EDARADD: variants seen among roughly 807,000 people sequenced by gnomAD.
The protein encoded by EDARADD is EDAR associated via death domain, also known as ectodysplasin-A receptor-associated adapter protein.
In EDARADD, 20 loss-of-function variants were observed where a neutral mutation model predicts 25.6. The ratio of observed to expected loss-of-function variants is 0.78; its 90% CI spans 0.55 to 1.14. EDARADD has a LOEUF of 1.14. Ranked by LOEUF, EDARADD falls within the 50% of genes most tolerant of loss-of-function variation. The pLI, the probability that EDARADD is intolerant of heterozygous loss-of-function variation, is 0.00. For missense variants in EDARADD, 225 were observed against 270.1 expected, an observed-to-expected ratio of 0.83 and a Z score of 1.17; for synonymous variants, 86 against 94.4, an observed-to-expected ratio of 0.91 and a Z score of 0.52.
At position 236,394,301 on chromosome 1, in the gene EDARADD, T is replaced by C. The variant is rs965311065; in HGVS notation, c.-144T>C. Reference sequence around the variant, plus strand: ...ATCCGAAGGCAGACCAAGAGGAAGTTTATCCTCCCACCTACAAATTCCCCA... The same window carrying C: ...ATCCGAAGGCAGACCAAGAGGAAGTCTATCCTCCCACCTACAAATTCCCCA... On this transcript the variant is annotated 5_prime_UTR_variant, in exon 1 of 6. Coordinates refer to ENST00000334232, the MANE Select transcript of EDARADD (RefSeq NM_145861.4). 1.4e-5 allele frequency: 12 copies of C among 876,496 alleles called. No individual in the cohort carries two copies. The highest frequency in any genetic ancestry group is 1.7e-5 in the Non-Finnish European group (9 of 539,584). 54.3% of individuals were successfully genotyped at this position (876,496 alleles called of 1,614,324 possible).
intron 4 of EDARADD, among the ~76,000 whole-genome samples, chr1:236,457,258 G>A (rs1658894749): frequency 6.6e-6 from 1 of 152,244 alleles, no homozygotes; most frequent in African/African-American, 2.4e-5. Context: ...GCTCACGCCT[G>A]TAATCCCAGC....
chr1:236,473,300 A>G (rs114603183), intron 5 of EDARADD, among the ~76,000 whole-genome samples: 2,347 of 152,092 alleles, frequency 0.015, 63 homozygotes, highest in African/African-American at 0.053. Context: ...GCGAGACCCA[A>G]ACAATGCAAA....
intron 4 of EDARADD, among the ~76,000 whole-genome samples, chr1:236,439,965 A>AT (rs1658358848): frequency 6.6e-6 from 1 of 152,166 alleles, no homozygotes; most frequent in Non-Finnish European, 1.5e-5. Flanking sequence ...TCTTCTAAAA[A>AT]TTTTATAATT....
intron 3 of EDARADD, among the ~76,000 whole-genome samples, chr1:236,378,217 TAAG>T (rs2102995323): frequency 6.6e-6 from 1 of 152,322 alleles, no homozygotes; most frequent in East Asian, 1.9e-4. Context: ...CAGGCCTTGT[TAAG>T]AAGAATAGAA....
chr1:236,405,856 TC>T (rs1286253336), intron 1 of EDARADD, among the ~76,000 whole-genome samples: 4 of 51,936 alleles, frequency 7.7e-5, no homozygotes, highest in African/African-American at 2.4e-4. Context: ...CTTCCTTCCT[TC>T]CTTCCTTCCT....
At chr1:236,451,209 G>C (rs1350580329) in intron 4 of EDARADD, among the ~76,000 whole-genome samples, 1 of 152,110 alleles carries the variant, frequency 6.6e-6, no homozygotes, top group Admixed American at 6.6e-5. Context: ...GAGCTAGATG[G>C]ACCTTCTCAG....
At chr1:236,456,237 C>T (rs942489270) in intron 4 of EDARADD, among the ~76,000 whole-genome samples, 3 of 152,174 alleles carry the variant, frequency 2.0e-5, no homozygotes, top group Non-Finnish European at 4.4e-5. Context: ...GCGGATCTCC[C>T]TTGGCCTCAC....
intron 5 of EDARADD, among the ~76,000 whole-genome samples, chr1:236,470,859 C>T (rs2103036880): frequency 6.6e-6 from 1 of 152,304 alleles, no homozygotes; most frequent in East Asian, 1.9e-4. Context: ...CCACCCACCT[C>T]AGCCTCCCAA....
chr1:236,439,984 A>G (rs1210215674), intron 4 of EDARADD, among the ~76,000 whole-genome samples: 1 of 152,114 alleles, frequency 6.6e-6, no homozygotes, highest in Non-Finnish European at 1.5e-5. Flanking sequence ...TTTTCTATTT[A>G]CTTCTAGGTC....
chr1:236,397,711 A>G (rs915020132), intron 1 of EDARADD, among the ~76,000 whole-genome samples: 14 of 152,194 alleles, frequency 9.2e-5, no homozygotes, highest in African/African-American at 2.4e-4. Context: ...CCTAAGGGTG[A>G]GAGCTCCCCA....
In EDARADD at chr1:236,447,217, TTTCTTTCC is replaced by T. The variant is rs1418563936; in HGVS notation, c.219+19770_219+19777del. 7.9e-5 allele frequency among the ~76,000 whole-genome samples: 3 copies of T among 37,898 alleles called. No homozygotes were observed. The East Asian group carries it at 1.1e-3, about 13-fold the overall frequency. 24.9% of individuals were successfully genotyped at this position (37,898 alleles called of 152,430 possible). A position where few individuals can be genotyped will look rare whatever the true frequency, so the allele number is the denominator to read the frequency against. ...CTTTCTTTCTTTCTTTCTTTCTTTC[TTTCTTTCC>T]TTTCTTTCCTTTCTTTCCTTTCTTT... On this transcript the variant is annotated intron_variant, in intron 4 of 5. Coordinates refer to ENST00000334232, the MANE Select transcript of EDARADD (RefSeq NM_145861.4).
chr1:236,480,365 C>T (rs2103041512), intron 5 of EDARADD, among the ~76,000 whole-genome samples: 1 of 152,002 alleles, frequency 6.6e-6, no homozygotes, highest in East Asian at 1.9e-4. Context: ...GTAAATAACA[C>T]CGTGATAACA....
chr1:236,393,506 T>C (rs1667459549), upstream of EDARADD, among the ~76,000 whole-genome samples: 1 of 150,486 alleles, frequency 6.6e-6, no homozygotes, highest in African/African-American at 2.4e-5. Flanking sequence ...AGCGATTCTT[T>C]TGCCTCAGCT....
intron 1 of EDARADD, among the ~76,000 whole-genome samples, chr1:236,405,794 CTTTT>C (rs746877194): frequency 5.5e-4 from 41 of 74,242 alleles, no homozygotes; most frequent in African/African-American, 1.7e-3. Flanking sequence ...TCTTTCTTTT[CTTTT>C]TCTTTCTTTC....
intron 3 of EDARADD, among the ~76,000 whole-genome samples, chr1:236,385,451 T>C (rs1215771381): frequency 1.5e-5 from 2 of 134,180 alleles, no homozygotes; most frequent in Non-Finnish European, 3.1e-5. Flanking sequence ...AGGCTGGGCA[T>C]AGTGGCTCAC....
At chr1:236,405,773 C>CCT (rs1491297499) in intron 1 of EDARADD, among the ~76,000 whole-genome samples, 8 of 66,010 alleles carry the variant, frequency 1.2e-4, no homozygotes, top group Admixed American at 1.7e-4. Flanking sequence ...TTCTTTCTTT[C>CCT]TTTCTTTCTT....
chr1:236,449,240 T>C (rs775197333), intron 4 of EDARADD, among the ~76,000 whole-genome samples: 3 of 152,208 alleles, frequency 2.0e-5, no homozygotes, highest in Non-Finnish European at 2.9e-5. Context: ...AATGATCTCA[T>C]AGTAACTTGC....
At position 236,482,549 on chromosome 1, in the gene EDARADD, G is replaced by A; in HGVS notation, c.548G>A (p.Cys183Tyr). ...QRTVGQLMELCRLYHRADVEK... is the reference protein window; with the variant it reads ...QRTVGQLMELYRLYHRADVEK... Reference sequence around the variant, plus strand: ...ACGGTGGGCCAGCTGATGGAGCTCTGCAGGCTCTACCACAGGGCCGACGTG... The same window carrying A: ...ACGGTGGGCCAGCTGATGGAGCTCTACAGGCTCTACCACAGGGCCGACGTG... The change falls in exon 6 of 6, where the codon TGC becomes TAC. Residue 183 changes from cysteine (C) to tyrosine (Y), a missense_variant. Cys to Tyr is a radical substitution (Grantham distance 194). Transcript: ENST00000334232. 1 of 1,613,680 alleles carries A rather than the reference G, an allele frequency of 6.2e-7. No individual in the cohort carries two copies. Among genetic ancestry groups the A allele is most frequent in the Admixed American group, 1.7e-5 (1 of 60,018 alleles).
At chr1:236,400,629 A>G (rs1217664722) in intron 1 of EDARADD, among the ~76,000 whole-genome samples, 1 of 151,300 alleles carries the variant, frequency 6.6e-6, no homozygotes, top group Non-Finnish European at 1.5e-5. Context: ...ATCTTGGCTC[A>G]TTGCAACTTC....
Sources: allele counts gnomAD v4.1 joint callset (sites outside exome capture counted in the v4.1 genomes callset), GRCh38; gene constraint gnomAD v4.1.1; transcripts MANE v1.5; gene names NCBI Gene and HGNC (gene_info 2026-07-23, HGNC 2026-07-21).